Variants in OR51B5 observed in about 807,000 individuals in gnomAD.
OR51B5 encodes olfactory receptor family 51 subfamily B member 5.
For synonymous variants in OR51B5, 186 were observed against 144.8 expected (o/e 1.28, Z -2.04); for missense variants, 456 against 374.6 (o/e 1.22, Z -1.79).
At chr11:5,393,863 A>T (rs573489796) in intron 1 of OR51B5, among the ~76,000 whole-genome samples, 77 of 152,130 alleles carry the variant, frequency 5.1e-4, no homozygotes, top group African/African-American at 1.8e-3. Flanking sequence ...AGCGCATCTG[A>T]TTTTCTTAAA....
intron 1 of OR51B5, among the ~76,000 whole-genome samples, chr11:5,495,591 C>T (rs998081810): frequency 3.9e-5 from 6 of 151,970 alleles, no homozygotes; most frequent in Admixed American, 1.3e-4. Flanking sequence ...AGTAGATACA[C>T]AGAAGACAAA....
chr11:5,475,035 C>A (rs1851283711), intron 1 of OR51B5, among the ~76,000 whole-genome samples: 1 of 152,112 alleles, frequency 6.6e-6, no homozygotes, highest in South Asian at 2.1e-4. Flanking sequence ...ATGAACTCTA[C>A]TTGCAAAAAT....
At chr11:5,421,665 C>A (rs1467752677) in intron 1 of OR51B5, among the ~76,000 whole-genome samples, 4 of 151,904 alleles carry the variant, frequency 2.6e-5, no homozygotes, top group African/African-American at 4.8e-5. Flanking sequence ...AGTAATAAAA[C>A]CTTAATGAAT....
Position 5,386,012 on chromosome 11 carries a change from A to C in OR51B5, n.85-39102T>G, listed in dbSNP as rs182877332. Among the ~76,000 whole-genome samples the C allele has an allele frequency of 4.5e-3, 676 of 151,578 alleles. 5 individuals are homozygous for C. The highest frequency in any genetic ancestry group is 0.016 in the African/African-American group (649 of 41,412). Reference sequence around the variant, plus strand: ...GAATGTGTGTGTGTATTTACACCTTAATAGTACATTACAGGTACTACGTGA... The same window carrying C: ...GAATGTGTGTGTGTATTTACACCTTCATAGTACATTACAGGTACTACGTGA... On this transcript the variant is annotated intron_variant and non_coding_transcript_variant, in intron 1 of 4. Transcript: ENST00000415970.
intron 1 of OR51B5, chr11:5,441,406 A>G: frequency 6.2e-7 from 1 of 1,613,974 alleles, no homozygotes; most frequent in Non-Finnish European, 8.5e-7. Context: ...GAGATCATGT[A>G]GAGGATGCAG....
intron 1 of OR51B5, among the ~76,000 whole-genome samples, chr11:5,439,676 T>C (rs1850645973): frequency 6.6e-6 from 1 of 152,204 alleles, no homozygotes; most frequent in Non-Finnish European, 1.5e-5. Flanking sequence ...GCTGATGATA[T>C]TGATCTGGAA....
chr11:5,453,834 C>T (rs1850899677), intron 1 of OR51B5: 2 of 1,614,088 alleles, frequency 1.2e-6, no homozygotes, highest in Non-Finnish European at 8.5e-7. Context: ...AGGTATTCTG[C>T]TGGCCATGAG....
In OR51B5 at chr11:5,482,142, T is replaced by C. The variant is rs941687223; in HGVS notation, n.84+23427A>G. On this transcript the variant is annotated intron_variant and non_coding_transcript_variant, in intron 1 of 4. Transcript: ENST00000415970. The stretch of plus-strand genomic sequence containing the variant: ...TACAATAACCAAAACAGCATGGTAC[T>C]GGTACCAAAACAGAGATATAGATCA... Among the ~76,000 whole-genome samples the C allele has an allele frequency of 2.8e-3, 319 of 115,004 alleles. 52 individuals carry two copies. The highest frequency in any genetic ancestry group is 0.012 in the African/African-American group (299 of 25,464). The allele number at this position is 115,004 out of a possible 152,430, so 75.4% of individuals were successfully genotyped here. A position where few individuals can be genotyped will look rare whatever the true frequency, so the allele number is the denominator to read the frequency against.
chr11:5,418,854 G>A (rs895479316), intron 1 of OR51B5, among the ~76,000 whole-genome samples: 2 of 132,806 alleles, frequency 1.5e-5, no homozygotes, highest in African/African-American at 2.8e-5. Flanking sequence ...TTCTGCACAT[G>A]TACCCCAGAA....
chr11:5,493,320 A>G (rs762223873), intron 1 of OR51B5, among the ~76,000 whole-genome samples: 2 of 152,180 alleles, frequency 1.3e-5, no homozygotes, highest in Non-Finnish European at 2.9e-5. Flanking sequence ...CATGTTCCCC[A>G]TATCAAGGTT....
intron 1 of OR51B5, among the ~76,000 whole-genome samples, chr11:5,478,988 T>A (rs1012265157): frequency 4.0e-5 from 6 of 151,870 alleles, no homozygotes; most frequent in Non-Finnish European, 8.8e-5. Flanking sequence ...AGGTCAACGT[T>A]CAGATTCAGG....
At chr11:5,374,984 G>A (rs544632201) in intron 1 of OR51B5, among the ~76,000 whole-genome samples, 13 of 151,600 alleles carry the variant, frequency 8.6e-5, no homozygotes, top group Admixed American at 1.3e-4. Flanking sequence ...TACAGAGAAC[G>A]CCACAAACAT....
At chr11:5,381,916 G>C (rs1165203001) in intron 1 of OR51B5, among the ~76,000 whole-genome samples, 1 of 152,146 alleles carries the variant, frequency 6.6e-6, no homozygotes, top group Non-Finnish European at 1.5e-5. Context: ...TAAATGGTAG[G>C]TTATCCACTA....
At chr11:5,342,307 ATAGACAT>A (rs1297116537), downstream of OR51B5, among the ~76,000 whole-genome samples, 1 of 152,260 alleles carries the variant, frequency 6.6e-6, no homozygotes, top group Non-Finnish European at 1.5e-5. Context: ...TAGTTACATT[ATAGACAT>A]ACCAATAGAT....
intron 1 of OR51B5, chr11:5,422,668 G>A (rs1194706474): frequency 5.0e-6 from 8 of 1,614,004 alleles, no homozygotes; most frequent in Non-Finnish European, 6.8e-6. Flanking sequence ...GCTGTGTTCT[G>A]GCGGTTCTTC....
At chr11:5,488,195 T>G (rs540120683) in intron 1 of OR51B5, among the ~76,000 whole-genome samples, 1 of 152,194 alleles carries the variant, frequency 6.6e-6, no homozygotes, top group African/African-American at 2.4e-5. Flanking sequence ...TTTTGTAAGA[T>G]AGTGGAAGTA....
chr11:5,349,736 G>A (rs1849046813), intron 1 of OR51B5, among the ~76,000 whole-genome samples: 1 of 151,966 alleles, frequency 6.6e-6, no homozygotes, highest in South Asian at 2.1e-4. Context: ...TCACTGGCAG[G>A]CAGATTGAGC....
intron 1 of OR51B5, chr11:5,430,507 T>A: frequency 2.8e-6 from 1 of 359,994 alleles, no homozygotes; most frequent in South Asian, 2.1e-5. Flanking sequence ...GGAATAACTC[T>A]TGCATTTCAG....
chr11:5,376,022 CCA>C (rs1849522155), intron 1 of OR51B5, among the ~76,000 whole-genome samples: 1 of 152,070 alleles, frequency 6.6e-6, no homozygotes, highest in African/African-American at 2.4e-5. Context: ...TTTTTCAGCA[CCA>C]CACAACACCT....
Sources: gnomAD v4.1 joint callset for allele counts (sites outside exome capture counted in the v4.1 genomes callset) on GRCh38, gnomAD v4.1.1 for gene constraint, MANE v1.5 for transcripts, NCBI Gene and HGNC (gene_info 2026-07-23, HGNC 2026-07-21) for gene names.